Variants in CAB39 observed in about 807,000 individuals in gnomAD.
The protein encoded by CAB39 is calcium-binding protein 39.
Under a neutral mutation model 40.0 loss-of-function variants are expected in CAB39, and 8 were observed. That is an observed-to-expected ratio of 0.20 (90% confidence interval 0.12 to 0.36). The LOEUF (loss-of-function observed/expected upper bound fraction) is 0.36, where lower values mean the gene tolerates loss of function less well. Ranked by LOEUF, CAB39 falls within the 10% of genes least tolerant of loss-of-function variation. The pLI, the probability that CAB39 is intolerant of heterozygous loss-of-function variation, is 1.00. For missense variants in CAB39, 270 were observed against 401.1 expected (o/e 0.67, Z 2.79); for synonymous variants, 156 against 141.6 (o/e 1.10, Z -0.72).
In CAB39 at chr2:230,758,179, C is replaced by T. The variant is rs192585111; in HGVS notation, c.-43-1780C>T. On this transcript the variant is annotated intron_variant, in intron 1 of 8. Transcript: ENST00000258418. ...TGGGTTGGTGGTGCACACCTATAGTCCCAGCTACTTGGGAGGCTAACGCTG... is the reference window on the plus strand; with the variant it reads ...TGGGTTGGTGGTGCACACCTATAGTTCCAGCTACTTGGGAGGCTAACGCTG... Among the ~76,000 whole-genome samples the T allele has an allele frequency of 1.9e-3, 292 of 151,950 alleles. 3 individuals are homozygous for T. The highest frequency in any genetic ancestry group is 4.7e-4 in the Non-Finnish European group (32 of 67,976).
At chr2:230,788,882 T>C (rs1559611480) in intron 2 of CAB39, among the ~76,000 whole-genome samples, 1 of 152,326 alleles carries the variant, frequency 6.6e-6, no homozygotes, top group African/African-American at 2.4e-5. Context: ...TATTGTCTTC[T>C]TGTTTCTCAT....
At chr2:230,767,603 C>T (rs1472775108) in intron 2 of CAB39, among the ~76,000 whole-genome samples, 7 of 152,302 alleles carry the variant, frequency 4.6e-5, no homozygotes, top group African/African-American at 9.6e-5. Flanking sequence ...ATGGTTTTTA[C>T]ATTTACAGAG....
chr2:230,733,598 A>G (rs1694733862), intron 1 of CAB39, among the ~76,000 whole-genome samples: 1 of 152,204 alleles, frequency 6.6e-6, no homozygotes, highest in African/African-American at 2.4e-5. Context: ...CTCTCCCATA[A>G]GTAGCTTCTC....
At position 230,817,956 on chromosome 2, in the gene CAB39, C is replaced by T. The variant is rs536307134; in HGVS notation, c.837+59C>T. ...CTGGAATTGTTCGTCGTCTTTCATTCGCAAATAACGGAAATTATTAGCCTC... is the reference window on the plus strand; with the variant it reads ...CTGGAATTGTTCGTCGTCTTTCATTTGCAAATAACGGAAATTATTAGCCTC... On this transcript the variant is annotated intron_variant, in intron 8 of 8. Coordinates refer to ENST00000258418, the MANE Select transcript of CAB39 (RefSeq NM_016289.4). The T allele has an allele frequency of 8.7e-5, 126 of 1,446,486 alleles. No homozygotes were observed. The South Asian group carries it at 1.1e-3, about 12-fold the overall frequency. 89.6% of individuals were successfully genotyped at this position (1,446,486 alleles called of 1,614,324 possible).
chr2:230,779,876 G>A (rs1695656354), intron 2 of CAB39, among the ~76,000 whole-genome samples: 2 of 152,216 alleles, frequency 1.3e-5, no homozygotes, highest in South Asian at 2.1e-4. Context: ...GTGGAAAGAA[G>A]GAGTGTGAGC....
At chr2:230,732,372 G>A (rs1001521098) in intron 1 of CAB39, among the ~76,000 whole-genome samples, 1 of 152,144 alleles carries the variant, frequency 6.6e-6, no homozygotes, top group East Asian at 1.9e-4. Context: ...GTGAGCCACC[G>A]CGCCCGGCCG....
rs562641411 is a variant in CAB39 at position 230,804,486 on chromosome 2, A to T, written c.567+5589A>T. On this transcript the variant is annotated intron_variant, in intron 5 of 8. Transcript: ENST00000258418. ...CTACAGAATGGGAGAAAATGTTTGC[A>T]ATCTACCCATCTGACAAAGGGCTAA... Among the ~76,000 whole-genome samples the T allele has an allele frequency of 9.8e-5, 15 of 152,354 alleles. No homozygotes were observed. The South Asian group carries it at 3.1e-3, about 32-fold the overall frequency.
At chr2:230,717,395 G>A (rs922297516) in intron 1 of CAB39, among the ~76,000 whole-genome samples, 1 of 152,130 alleles carries the variant, frequency 6.6e-6, no homozygotes, top group African/African-American at 2.4e-5. Flanking sequence ...GTGAGAGTTC[G>A]TACGTTCTGT....
At chr2:230,738,251 A>T (rs1027844509) in intron 1 of CAB39, among the ~76,000 whole-genome samples, 1 of 152,160 alleles carries the variant, frequency 6.6e-6, no homozygotes, top group African/African-American at 2.4e-5. Context: ...AAGTCCTGAA[A>T]CACCTAGCGA....
intron 2 of CAB39, among the ~76,000 whole-genome samples, chr2:230,784,450 G>A (rs1419773995): frequency 6.6e-6 from 1 of 152,164 alleles, no homozygotes. Flanking sequence ...TAAAGCAGTG[G>A]GTGTGGATGA....
intron 1 of CAB39, among the ~76,000 whole-genome samples, chr2:230,723,954 A>G (rs955719244): frequency 6.6e-6 from 1 of 152,200 alleles, no homozygotes; most frequent in Non-Finnish European, 1.5e-5. Context: ...TGCAAATAGC[A>G]TAAAGAGGGT....
At chr2:230,760,169 C>A in intron 2 of CAB39, 54 bp downstream of exon 2, 1 of 1,094,418 alleles carries the variant, frequency 9.1e-7, no homozygotes, top group Non-Finnish European at 1.4e-6. Flanking sequence ...AAATGCAAGA[C>A]ACCTTATATG....
chr2:230,798,342 G>GT (rs1441399754), intron 4 of CAB39, among the ~76,000 whole-genome samples: 1 of 152,200 alleles, frequency 6.6e-6, no homozygotes, highest in Non-Finnish European at 1.5e-5. Flanking sequence ...TTTGTTTTCT[G>GT]TTTTTTGATT....
At position 230,772,421 on chromosome 2, in the gene CAB39, C is replaced by T. The variant is rs78606055; in HGVS notation, c.114+12306C>T. ...ACTATACCAAATGTTGGCAAGGATA[C>T]AGAGCAGCTGGAACTGCTTGTGGGA... On this transcript the variant is annotated intron_variant, in intron 2 of 8. Transcript: ENST00000258418. Among the ~76,000 whole-genome samples, 640 of 151,690 alleles carry T rather than the reference C, an allele frequency of 4.2e-3. 1 individual carries two copies. Among genetic ancestry groups the T allele is most frequent in the African/African-American group, 0.014 (587 of 41,332 alleles).
intron 1 of CAB39, chr2:230,725,062 T>A: frequency 6.7e-7 from 1 of 1,502,154 alleles, no homozygotes; most frequent in African/African-American, 1.4e-5. Flanking sequence ...AATCTTTTCC[T>A]TCGTAGAGGA....
intron 5 of CAB39, among the ~76,000 whole-genome samples, chr2:230,803,011 ATACTGGCG>A (rs1696119879): frequency 6.6e-6 from 1 of 152,238 alleles, no homozygotes; most frequent in East Asian, 1.9e-4. Flanking sequence ...CCTCAATGAA[ATACTGGCG>A]AACTGAATCC....
At chr2:230,733,592 C>T (rs182840218) in intron 1 of CAB39, among the ~76,000 whole-genome samples, 82 of 152,320 alleles carry the variant, frequency 5.4e-4, no homozygotes, top group African/African-American at 1.9e-3. Flanking sequence ...CCTTCACTCT[C>T]CCATAAGTAG....
intron 1 of CAB39, among the ~76,000 whole-genome samples, chr2:230,738,984 C>T (rs1694831744): frequency 6.6e-6 from 1 of 152,194 alleles, no homozygotes; most frequent in Non-Finnish European, 1.5e-5. Context: ...TACCTTAATT[C>T]TTTGACACAA....
chr2:230,733,165 C>T (rs528048536), intron 1 of CAB39, among the ~76,000 whole-genome samples: 1 of 152,128 alleles, frequency 6.6e-6, no homozygotes, highest in South Asian at 2.1e-4. Flanking sequence ...GTCCTGACTT[C>T]CCAGACAGCA....
Sources: allele counts gnomAD v4.1 joint callset (sites outside exome capture counted in the v4.1 genomes callset), GRCh38; gene constraint gnomAD v4.1.1; transcripts MANE v1.5; gene names NCBI Gene and HGNC (gene_info 2026-07-23, HGNC 2026-07-21).